The following CTNNA3 variants were observed in gnomAD, a reference collection of about 807,000 sequenced individuals.
The protein encoded by CTNNA3 is catenin alpha 3, also known as catenin alpha-3.
Under a neutral mutation model 95.7 loss-of-function variants are expected in CTNNA3, and 76 were observed. That is an observed-to-expected ratio of 0.79 (90% CI 0.66 to 0.96). The LOEUF is 0.96. Among genes scored for constraint, CTNNA3 ranks in the 40% least tolerant of loss-of-function variants. The pLI is 0.00. For synonymous variants in CTNNA3, 431 were observed against 374.4 expected (o/e 1.15, Z -1.74); for missense variants, 1,191 against 1,089.8 (o/e 1.09, Z -1.31).
At chr10:66,897,254 ATGTG>A (rs1195011892) in intron 7 of CTNNA3, among the ~76,000 whole-genome samples, 3 of 151,670 alleles carry the variant, frequency 2.0e-5, no homozygotes, top group East Asian at 1.9e-4. Context: ...AAATATAAAG[ATGTG>A]TGTGTGTATG....
intron 9 of CTNNA3, among the ~76,000 whole-genome samples, chr10:66,704,743 G>A (rs1384357317): frequency 1.3e-5 from 2 of 152,212 alleles, no homozygotes; most frequent in East Asian, 3.9e-4. Flanking sequence ...TTATGTAGGT[G>A]TTCCAAAAAG....
At chr10:67,219,162 T>C (rs1183730004) in intron 6 of CTNNA3, among the ~76,000 whole-genome samples, 1 of 152,242 alleles carries the variant, frequency 6.6e-6, no homozygotes, top group Non-Finnish European at 1.5e-5. Flanking sequence ...CAGTGTAACA[T>C]CTATACAATT....
At chr10:66,160,815 T>G (rs959760223) in intron 13 of CTNNA3, among the ~76,000 whole-genome samples, 4 of 152,200 alleles carry the variant, frequency 2.6e-5, no homozygotes, top group Non-Finnish European at 4.4e-5. Flanking sequence ...TCTGTCTATC[T>G]CATTTCTTAG....
chr10:66,752,855 C>T (rs59534662), intron 9 of CTNNA3, among the ~76,000 whole-genome samples: 10 of 148,426 alleles, frequency 6.7e-5, no homozygotes, highest in East Asian at 3.9e-4. Flanking sequence ...CACACACACA[C>T]GCACACACAC....
At chr10:66,438,320 T>A (rs973245016) in intron 11 of CTNNA3, among the ~76,000 whole-genome samples, 9 of 152,170 alleles carry the variant, frequency 5.9e-5, no homozygotes, top group Non-Finnish European at 1.0e-4. Context: ...CCCCAGGTGC[T>A]CTGTCCCAGG....
At chr10:67,189,549 T>C (rs1863025096) in intron 6 of CTNNA3, among the ~76,000 whole-genome samples, 1 of 131,398 alleles carries the variant, frequency 7.6e-6, no homozygotes. Context: ...AATGTGTATG[T>C]ATTTCAAAAC....
chr10:67,704,567 T>G (rs962797973), intron 1 of CTNNA3, among the ~76,000 whole-genome samples: 5 of 152,204 alleles, frequency 3.3e-5, no homozygotes, highest in Admixed American at 3.3e-4. Context: ...GAAAACTGGC[T>G]AGCCATTTGT....
intron 12 of CTNNA3, among the ~76,000 whole-genome samples, chr10:66,304,557 A>G (rs996009200): frequency 2.0e-5 from 3 of 152,188 alleles, no homozygotes; most frequent in African/African-American, 7.2e-5. Flanking sequence ...TACAATAAAT[A>G]TATTTCGATA....
At chr10:67,563,713 G>A (rs574920990) in intron 3 of CTNNA3, among the ~76,000 whole-genome samples, 101 of 152,136 alleles carry the variant, frequency 6.6e-4, no homozygotes, top group African/African-American at 2.3e-3. Flanking sequence ...GCAACCTACA[G>A]AATGGGAGAA....
intron 13 of CTNNA3, among the ~76,000 whole-genome samples, chr10:66,138,044 A>C (rs1019791799): frequency 6.6e-6 from 1 of 152,048 alleles, no homozygotes; most frequent in Non-Finnish European, 1.5e-5. Flanking sequence ...AAATAGTAAA[A>C]CTTATTAAAT....
At chr10:65,969,334 G>A (rs2078047577) in intron 16 of CTNNA3, among the ~76,000 whole-genome samples, 1 of 152,126 alleles carries the variant, frequency 6.6e-6, no homozygotes, top group African/African-American at 2.4e-5. Context: ...TTCAAGATGA[G>A]AAAGAACCAG....
intron 9 of CTNNA3, among the ~76,000 whole-genome samples, chr10:66,733,810 G>A (rs1266429265): frequency 6.6e-6 from 1 of 151,474 alleles, no homozygotes; most frequent in Non-Finnish European, 1.5e-5. Flanking sequence ...AAATTTTTTT[G>A]CCTATCTTTG....
At chr10:67,028,729 G>A (rs1258891340) in intron 7 of CTNNA3, among the ~76,000 whole-genome samples, 2 of 151,204 alleles carry the variant, frequency 1.3e-5, no homozygotes, top group African/African-American at 4.9e-5. Context: ...AATCTAAAAC[G>A]ATTAAGGTCT....
intron 15 of CTNNA3, among the ~76,000 whole-genome samples, chr10:66,028,990 G>A (rs190853251): frequency 6.6e-6 from 1 of 152,102 alleles, no homozygotes; most frequent in Admixed American, 6.6e-5. Flanking sequence ...ATGAAGAATA[G>A]GAGGTGAAAC....
chr10:66,074,818 A>G (rs959882003), intron 14 of CTNNA3, among the ~76,000 whole-genome samples: 3 of 151,810 alleles, frequency 2.0e-5, no homozygotes, highest in Admixed American at 2.0e-4. Flanking sequence ...ATAATTTTTC[A>G]TTTGTACTTT....
chr10:66,934,822 G>C (rs532448543), intron 7 of CTNNA3, among the ~76,000 whole-genome samples: 1 of 152,186 alleles, frequency 6.6e-6, no homozygotes, highest in Admixed American at 6.5e-5. Context: ...AATTTTTGTT[G>C]ACATTTCATC....
intron 10 of CTNNA3, among the ~76,000 whole-genome samples, chr10:66,586,594 A>G (rs981581552): frequency 6.6e-6 from 1 of 152,108 alleles, no homozygotes; most frequent in African/African-American, 2.4e-5. Context: ...CTTCCTGTGG[A>G]TAGTTACCTT....
At chr10:67,204,451 T>G (rs1863798336) in intron 6 of CTNNA3, among the ~76,000 whole-genome samples, 1 of 152,282 alleles carries the variant, frequency 6.6e-6, no homozygotes, top group African/African-American at 2.4e-5. Flanking sequence ...ATTGAAAGTT[T>G]CCTGAGGCTG....
intron 7 of CTNNA3, among the ~76,000 whole-genome samples, chr10:66,900,711 A>G (rs1221531160): frequency 9.2e-5 from 14 of 152,202 alleles, no homozygotes; most frequent in Admixed American, 9.2e-4. Context: ...AAACCATGGC[A>G]TGAGAACTTC....
Sources: allele counts gnomAD v4.1 joint callset (sites outside exome capture counted in the v4.1 genomes callset), GRCh38; gene constraint gnomAD v4.1.1; transcripts MANE v1.5; gene names NCBI Gene and HGNC (gene_info 2026-07-23, HGNC 2026-07-21).